The following CSMD1 variants were observed in gnomAD, a reference collection of about 807,000 sequenced individuals.
CSMD1 encodes CUB and sushi domain-containing protein 1.
A neutral mutation model predicts 417.5 loss-of-function variants in CSMD1; 213 were observed. The ratio of observed to expected loss-of-function variants is 0.51; its 90% CI spans 0.46 to 0.57. CSMD1 has a LOEUF of 0.57. Ranked by LOEUF, CSMD1 falls within the 20% of genes least tolerant of loss-of-function variation. The pLI, the probability that CSMD1 is intolerant of heterozygous loss-of-function variation, is 0.00. For missense variants in CSMD1, 6,923 were observed against 4,529.7 expected (o/e 1.53, Z -15.17); for synonymous variants, 2,862 against 1,736.8 (o/e 1.65, Z -16.11).
At chr8:4,896,652 T>C (rs1240805263) in intron 1 of CSMD1, among the ~76,000 whole-genome samples, 1 of 152,108 alleles carries the variant, frequency 6.6e-6, no homozygotes, top group Non-Finnish European at 1.5e-5. Context: ...AGTATTTAAA[T>C]ATTGGAAATT....
At position 3,892,500 on chromosome 8, in the gene CSMD1, G is replaced by A. The variant is rs569932344; in HGVS notation, c.818+105403C>T. Among the ~76,000 whole-genome samples, 278 of 151,404 alleles carry A rather than the reference G, an allele frequency of 1.8e-3. 2 individuals are homozygous for A. The highest frequency in any genetic ancestry group is 1.6e-3 in the Non-Finnish European group (111 of 67,940). On this transcript the variant is annotated intron_variant, in intron 5 of 69. Transcript: ENST00000635120. ...GTTCTGCAAGAGGATCTAAGAGACC[G>A]TGCATCCAATCCTATGTTAGAGGAA...
chr8:3,949,805 G>T (rs1322245010), intron 5 of CSMD1: 1 of 417,734 alleles, frequency 2.4e-6, no homozygotes, highest in South Asian at 1.7e-5. Flanking sequence ...CACATGGAAA[G>T]CTGGGGCAAT....
intron 5 of CSMD1, among the ~76,000 whole-genome samples, chr8:3,932,467 C>G (rs925759870): frequency 1.2e-4 from 18 of 150,514 alleles, no homozygotes; most frequent in African/African-American, 3.4e-4. Context: ...GTAATAAGAC[C>G]TTGATATGTA....
At chr8:3,262,226 T>TACACAC (rs1563199498) in intron 26 of CSMD1, among the ~76,000 whole-genome samples, 2 of 112,318 alleles carry the variant, frequency 1.8e-5, no homozygotes, top group Non-Finnish European at 3.6e-5. Flanking sequence ...TATATATATA[T>TACACAC]ATATACACAC....
At chr8:4,933,271 A>G (rs1448740868) in intron 1 of CSMD1, among the ~76,000 whole-genome samples, 1 of 152,182 alleles carries the variant, frequency 6.6e-6, no homozygotes, top group Non-Finnish European at 1.5e-5. Flanking sequence ...TAGAAAAGCA[A>G]CAGCAACATT....
At chr8:4,157,796 C>T (rs1796917060) in intron 3 of CSMD1, among the ~76,000 whole-genome samples, 1 of 152,160 alleles carries the variant, frequency 6.6e-6, no homozygotes, top group East Asian at 1.9e-4. Context: ...GTGAACTTGC[C>T]CAGGGCCTTG....
chr8:3,503,236 C>T (rs553079160), intron 10 of CSMD1, among the ~76,000 whole-genome samples: 5 of 152,302 alleles, frequency 3.3e-5, no homozygotes, highest in Non-Finnish European at 4.4e-5. Flanking sequence ...GTCATTAATT[C>T]TGGGATATCC....
At chr8:3,764,495 G>A (rs1361409649) in intron 5 of CSMD1, among the ~76,000 whole-genome samples, 1 of 152,182 alleles carries the variant, frequency 6.6e-6, no homozygotes, top group Non-Finnish European at 1.5e-5. Context: ...TTTGAGAGCA[G>A]AGTAGCCCTG....
intron 5 of CSMD1, among the ~76,000 whole-genome samples, chr8:3,873,220 C>A (rs1309394089): frequency 6.6e-6 from 1 of 152,126 alleles, no homozygotes; most frequent in Non-Finnish European, 1.5e-5. Flanking sequence ...GCCAAAGGAA[C>A]AGCAATCATT....
chr8:4,976,936 A>G (rs893687573), intron 1 of CSMD1, among the ~76,000 whole-genome samples: 1 of 152,162 alleles, frequency 6.6e-6, no homozygotes, highest in African/African-American at 2.4e-5. Context: ...GTGTGTTCTG[A>G]AGCAGTGGAA....
At chr8:4,208,011 A>G (rs901015941) in intron 3 of CSMD1, among the ~76,000 whole-genome samples, 3 of 152,148 alleles carry the variant, frequency 2.0e-5, no homozygotes, top group Admixed American at 6.5e-5. Flanking sequence ...TTAAAACCTA[A>G]AAGTCCAACA....
At chr8:3,510,381 G>A (rs1797014117) in intron 10 of CSMD1, among the ~76,000 whole-genome samples, 1 of 151,820 alleles carries the variant, frequency 6.6e-6, no homozygotes, top group Non-Finnish European at 1.5e-5. Context: ...ATGGGTACTT[G>A]AAGTCCAAAT....
At chr8:4,137,705 T>C (rs1803519883) in intron 3 of CSMD1, among the ~76,000 whole-genome samples, 1 of 123,434 alleles carries the variant, frequency 8.1e-6, no homozygotes, top group Admixed American at 8.6e-5. Flanking sequence ...AGAGATCACA[T>C]CGATAAAGAT....
intron 5 of CSMD1, among the ~76,000 whole-genome samples, chr8:3,860,966 G>A (rs911113503): frequency 2.0e-5 from 3 of 152,170 alleles, no homozygotes; most frequent in Admixed American, 1.3e-4. Context: ...CATGCAAAAT[G>A]AAATGACAAA....
chr8:2,968,882 T>C (rs547271895), intron 57 of CSMD1, among the ~76,000 whole-genome samples: 1 of 152,298 alleles, frequency 6.6e-6, no homozygotes, highest in African/African-American at 2.4e-5. Context: ...AAAAGTACAT[T>C]TTGTTAACGT....
chr8:4,498,378 T>G (rs1434175666), intron 2 of CSMD1, among the ~76,000 whole-genome samples: 1 of 152,214 alleles, frequency 6.6e-6, no homozygotes, highest in Non-Finnish European at 1.5e-5. Context: ...ATATAGCATG[T>G]GCATATTTTT....
At chr8:3,838,701 T>C (rs867625451) in intron 5 of CSMD1, among the ~76,000 whole-genome samples, 1 of 72,488 alleles carries the variant, frequency 1.4e-5, no homozygotes, top group South Asian at 3.5e-4. Flanking sequence ...ATAATAAATA[T>C]TATATAGTAT....
chr8:3,118,453 T>G lies in CSMD1; in HGVS notation c.6376A>C (p.Thr2126Pro). The G allele has an allele frequency of 6.2e-7, 1 of 1,613,822 alleles. No individual in the cohort carries two copies. Among genetic ancestry groups the G allele is most frequent in the African/African-American group, 1.3e-5 (1 of 75,034 alleles). ...TTTCTGTTGATCCCATGCTGACAAG[T>G]GAGGACAGGATGGCCTATTAGAATG... is the stretch of plus-strand genomic sequence containing the variant. ...GYILIGHPVLTCQHGINRNWN... is the reference protein window; with the variant it reads ...GYILIGHPVLPCQHGINRNWN... Residue 2126 changes from threonine to proline, a missense_variant, in exon 42 of 70, where the codon ACT (threonine) becomes CCT (proline). Transcript: ENST00000635120.
chr8:3,086,674 A>G (rs572041219), intron 49 of CSMD1, among the ~76,000 whole-genome samples: 15 of 152,372 alleles, frequency 9.8e-5, no homozygotes, highest in African/African-American at 3.4e-4. Flanking sequence ...CAAGCTCTAG[A>G]TTTAAATAAC....
Sources: allele counts gnomAD v4.1 joint callset (sites outside exome capture counted in the v4.1 genomes callset), GRCh38; gene constraint gnomAD v4.1.1; transcripts MANE v1.5; gene names NCBI Gene and HGNC (gene_info 2026-07-23, HGNC 2026-07-21).